Variants in ADAMTS9 observed in about 807,000 individuals in gnomAD.
ADAMTS9 encodes ADAM metallopeptidase with thrombospondin type 1 motif 9.
Under a neutral mutation model 257.1 loss-of-function variants are expected in ADAMTS9, and 107 were observed. The observed-to-expected ratio is 0.42, with a 90% CI of 0.36 to 0.49. The LOEUF is 0.49. Ranked by LOEUF, ADAMTS9 falls within the 20% of genes least tolerant of loss-of-function variation. The probability of loss-of-function intolerance (pLI) is 0.03; values close to 1 mark genes in which losing one functional copy is unlikely to be tolerated. For missense variants in ADAMTS9, 2,353 were observed against 2,469.1 expected, an observed-to-expected ratio of 0.95 and a Z score of 1.00; for synonymous variants, 982 against 880.9, an observed-to-expected ratio of 1.11 and a Z score of -2.03.
At chr3:64,528,028 A>G (rs4688477) in intron 38 of ADAMTS9, among the ~76,000 whole-genome samples, 12,582 of 152,236 alleles carry the variant, frequency 0.083, 1,490 homozygotes, top group Admixed American at 0.31. Flanking sequence ...CTTCAAAGCA[A>G]TTCTTTGATT....
Position 64,596,822 on chromosome 3 carries a change from A to T in ADAMTS9, c.4179+8T>A. The T allele has an allele frequency of 6.2e-7, 1 of 1,613,472 alleles. No individual in the cohort carries two copies. The highest frequency in any genetic ancestry group is 2.2e-5 in the East Asian group (1 of 44,800). On this transcript the variant is annotated splice_region_variant and intron_variant, in intron 27 of 39. Coordinates refer to ENST00000498707, the MANE Select transcript of ADAMTS9 (RefSeq NM_182920.2). ...CTCTGTATTTATAGACGGATAGTTC[A>T]CTCTCACCTCTCCCCAGTTGCCATA...
chr3:64,607,332 A>G (rs2084577083), intron 22 of ADAMTS9, among the ~76,000 whole-genome samples: 1 of 152,100 alleles, frequency 6.6e-6, no homozygotes, highest in Admixed American at 6.6e-5. Context: ...TTAACTGTGA[A>G]CTCCTAGAAG....
At chr3:64,609,907 A>G (rs919750379) in intron 22 of ADAMTS9, among the ~76,000 whole-genome samples, 3 of 152,212 alleles carry the variant, frequency 2.0e-5, no homozygotes, top group African/African-American at 7.2e-5. Flanking sequence ...GTCTACTGGC[A>G]TAAGAATAGA....
chr3:64,643,598 G>A (rs1486230747), intron 11 of ADAMTS9, among the ~76,000 whole-genome samples: 1 of 151,480 alleles, frequency 6.6e-6, no homozygotes, highest in Non-Finnish European at 1.5e-5. Context: ...GACCACAGGT[G>A]TATGCCACCA....
chr3:64,552,922 T>C (rs962036361), intron 30 of ADAMTS9, among the ~76,000 whole-genome samples: 4 of 152,166 alleles, frequency 2.6e-5, no homozygotes, highest in African/African-American at 9.7e-5. Flanking sequence ...CCCACCTCTC[T>C]TTTTCATCTA....
chr3:64,553,544 T>G (rs1216086256), intron 30 of ADAMTS9, among the ~76,000 whole-genome samples: 1 of 152,312 alleles, frequency 6.6e-6, no homozygotes, highest in Middle Eastern at 3.4e-3. Flanking sequence ...TTTTCCATTC[T>G]TTTGGGTATA....
intron 29 of ADAMTS9, 85 bp downstream of exon 29, chr3:64,568,283 T>C (rs2083590591): frequency 1.4e-6 from 2 of 1,474,814 alleles, no homozygotes; most frequent in Non-Finnish European, 1.8e-6. Context: ...ACCAAAACCG[T>C]GCATAGAAAC....
chr3:64,682,639 C>T (rs1701788071), intron 2 of ADAMTS9, among the ~76,000 whole-genome samples: 1 of 152,198 alleles, frequency 6.6e-6, no homozygotes, highest in African/African-American at 2.4e-5. Context: ...CTTCCATTGA[C>T]ACAGGAGAAA....
chr3:64,646,998 T>G (rs1190000824), intron 11 of ADAMTS9, among the ~76,000 whole-genome samples: 2 of 152,110 alleles, frequency 1.3e-5, no homozygotes, highest in Admixed American at 6.5e-5. Context: ...ACAGAAACAT[T>G]CTGGGTGCTA....
intron 32 of ADAMTS9, among the ~76,000 whole-genome samples, chr3:64,542,992 A>T (rs1413961039): frequency 6.6e-6 from 1 of 152,238 alleles, no homozygotes. Flanking sequence ...AAACACCTCT[A>T]TGCAAATAAA....
At chr3:64,631,143 A>G (rs571118284) in intron 16 of ADAMTS9, among the ~76,000 whole-genome samples, 6 of 152,344 alleles carry the variant, frequency 3.9e-5, no homozygotes, top group South Asian at 4.1e-4. Flanking sequence ...AAAAGACTCA[A>G]TGAGAGCAAG....
At chr3:64,570,785 C>T (rs1214055033) in intron 28 of ADAMTS9, among the ~76,000 whole-genome samples, 1 of 148,472 alleles carries the variant, frequency 6.7e-6, no homozygotes, top group Non-Finnish European at 1.5e-5. Context: ...AGGGCAGTAT[C>T]AGGGATAACT....
chr3:64,584,079 G>A (rs2084082209), intron 28 of ADAMTS9: 2 of 152,116 alleles, frequency 1.3e-5, no homozygotes, highest in Non-Finnish European at 2.9e-5. Context: ...ACCAAGAAAG[G>A]ACACATACCA....
chr3:64,668,617 A>G (rs1218420640), intron 3 of ADAMTS9, among the ~76,000 whole-genome samples: 1 of 152,180 alleles, frequency 6.6e-6, no homozygotes, highest in Non-Finnish European at 1.5e-5. Context: ...GACTTAGTCT[A>G]CATAAAGTGT....
chr3:64,572,927 A>C (rs552826144), intron 28 of ADAMTS9, among the ~76,000 whole-genome samples: 1 of 152,044 alleles, frequency 6.6e-6, no homozygotes, highest in South Asian at 2.1e-4. Context: ...AAAATACAAA[A>C]ATTAGCTGGG....
chr3:64,663,043 T>C (rs898596500), intron 3 of ADAMTS9, among the ~76,000 whole-genome samples: 2 of 151,994 alleles, frequency 1.3e-5, no homozygotes, highest in East Asian at 3.9e-4. Context: ...CATCCTAAAA[T>C]CCAAAAAAAC....
At position 64,627,958 on chromosome 3, in the gene ADAMTS9, T is replaced by C. The variant is rs1700267584; in HGVS notation, c.2389+3497A>G. Among the ~76,000 whole-genome samples the C allele has an allele frequency of 3.3e-5, 5 of 152,194 alleles. No homozygotes were observed. The South Asian group carries it at 1.0e-3, about 32-fold the overall frequency. ...CAAGCCAAGAGTAAATATTTACATA[T>C]GCCAGACTTGATGACAACATCAAAT... On this transcript the variant is annotated intron_variant, in intron 16 of 39. Transcript: ENST00000498707.
chr3:64,540,533 T>A (rs936100659), intron 36 of ADAMTS9, among the ~76,000 whole-genome samples: 3 of 152,182 alleles, frequency 2.0e-5, no homozygotes, highest in African/African-American at 7.2e-5. Flanking sequence ...TAGTTTTACG[T>A]CTGTGTAAGC....
At chr3:64,560,874 C>G (rs1481531925) in intron 30 of ADAMTS9, among the ~76,000 whole-genome samples, 1 of 151,948 alleles carries the variant, frequency 6.6e-6, no homozygotes, top group Non-Finnish European at 1.5e-5. Context: ...CTAATTCTTT[C>G]CCCCCCTTTT....
Sources: allele counts gnomAD v4.1 joint callset (sites outside exome capture counted in the v4.1 genomes callset), GRCh38; gene constraint gnomAD v4.1.1; transcripts MANE v1.5; gene names NCBI Gene and HGNC (gene_info 2026-07-23, HGNC 2026-07-21).